UBN2: variants seen among roughly 807,000 people sequenced by gnomAD.
UBN2 encodes ubinuclein-2.
UBN2 carries 35 observed loss-of-function variants against 120.2 expected under a neutral mutation model. The observed-to-expected ratio is 0.29, with a 90% confidence interval of 0.22 to 0.39. UBN2 has a LOEUF of 0.39. Among genes scored for constraint, UBN2 ranks in the 10% least tolerant of loss-of-function variants. The probability of loss-of-function intolerance (pLI) is 1.00; values close to 1 mark genes in which losing one functional copy is unlikely to be tolerated. For synonymous variants in UBN2, 661 were observed against 648.7 expected (o/e 1.02, Z -0.29); for missense variants, 1,693 against 1,663.2 (o/e 1.02, Z -0.31).
At chr7:139,309,160 A>G (rs1397996286), downstream of UBN2, among the ~76,000 whole-genome samples, 1 of 152,256 alleles carries the variant, frequency 6.6e-6, no homozygotes, top group African/African-American at 2.4e-5. Context: ...TGTACGTGTG[A>G]TCTGCATAGA....
chr7:139,285,612 A>G (rs940207490), intron 15 of UBN2, among the ~76,000 whole-genome samples: 1 of 152,182 alleles, frequency 6.6e-6, no homozygotes, highest in African/African-American at 2.4e-5. Flanking sequence ...TATACCTAGA[A>G]CATAGTAATA....
chr7:139,236,367 T>C (rs1270543157), intron 1 of UBN2, among the ~76,000 whole-genome samples: 1 of 152,214 alleles, frequency 6.6e-6, no homozygotes, highest in African/African-American at 2.4e-5. Flanking sequence ...AGAATATTGG[T>C]GATACAATGG....
chr7:139,277,432 A>G (rs1324306693), intron 12 of UBN2: 1 of 152,250 alleles, frequency 6.6e-6, no homozygotes, highest in Non-Finnish European at 1.5e-5. Context: ...TTTTATGTAC[A>G]GTATACTGTA....
In UBN2 at chr7:139,299,436, C is replaced by G. The variant is rs1163031312; in HGVS notation, c.*1600C>G. ...TTTATACACAAAAGTCCCAGATACC[C>G]TACAGGACTGTGAATAAATAACCAC... On this transcript the variant is annotated 3_prime_UTR_variant, in exon 18 of 18. Transcript: ENST00000473989. The G allele has an allele frequency of 6.6e-6, 1 of 152,130 alleles. No individual in the cohort carries two copies. The highest frequency in any genetic ancestry group is 1.5e-5 in the Non-Finnish European group (1 of 68,012). The allele number at this position is 152,130 out of a possible 1,614,324, so 9.4% of individuals were successfully genotyped here. A position where few individuals can be genotyped will look rare whatever the true frequency, so the allele number is the denominator to read the frequency against.
At chr7:139,290,259 G>T (rs1477893800) in intron 15 of UBN2, among the ~76,000 whole-genome samples, 1 of 152,048 alleles carries the variant, frequency 6.6e-6, no homozygotes, top group Admixed American at 6.6e-5. Context: ...TTAAGTTGAT[G>T]CAGGATCTTT....
chr7:139,251,030 G>C (rs1333946096), intron 2 of UBN2, among the ~76,000 whole-genome samples: 1 of 152,066 alleles, frequency 6.6e-6, no homozygotes, highest in Non-Finnish European at 1.5e-5. Context: ...CTTGAGCCCG[G>C]GAGGTTGAGG....
At chr7:139,258,905 T>A (rs2288071) in intron 4 of UBN2, among the ~76,000 whole-genome samples, 7,489 of 152,280 alleles carry the variant, frequency 0.049, 322 homozygotes, top group African/African-American at 0.11. Flanking sequence ...TAGGTTAATA[T>A]TAATAGCTGT....
chr7:139,280,679 T>C (rs532673381), intron 13 of UBN2, among the ~76,000 whole-genome samples: 1 of 152,322 alleles, frequency 6.6e-6, no homozygotes, highest in South Asian at 2.1e-4. Context: ...AGAGTCTCAC[T>C]CTATCACCCA....
At position 139,284,447 on chromosome 7, in the gene UBN2, G is replaced by C; in HGVS notation, c.3542G>C (p.Ser1181Thr). 1 of 1,614,178 alleles carries C rather than the reference G, an allele frequency of 6.2e-7. No homozygotes were observed. Among genetic ancestry groups the C allele is most frequent in the Non-Finnish European group, 8.5e-7 (1 of 1,180,024 alleles). ...PASRGSNLNS[S>T]GANRTSLSGG... ...AGCAGAGGTAGCAACCTTAACTCAAGCGGAGCTAATAGGACTAGTCTGTCT... is the reference window on the plus strand; with the variant it reads ...AGCAGAGGTAGCAACCTTAACTCAACCGGAGCTAATAGGACTAGTCTGTCT... The change falls in exon 15 of 18, where the codon AGC becomes ACC. Residue 1181 changes from serine to threonine, a missense_variant. Coordinates refer to ENST00000473989, the MANE Select transcript of UBN2 (RefSeq NM_173569.4).
intron 3 of UBN2, among the ~76,000 whole-genome samples, chr7:139,252,765 C>T (rs953347831): frequency 1.3e-5 from 2 of 151,336 alleles, no homozygotes; most frequent in Non-Finnish European, 2.9e-5. Flanking sequence ...CTTGCTCAAA[C>T]AGAACAAAAA....
intron 11 of UBN2, 122 bp downstream of exon 11, chr7:139,274,196 T>G: frequency 1.1e-6 from 1 of 945,862 alleles, no homozygotes; most frequent in Non-Finnish European, 1.5e-6. Flanking sequence ...TTCAGCATGC[T>G]GTCTAGTCAT....
At position 139,272,494 on chromosome 7, in the gene UBN2, T is replaced by TATGTATG. The variant is rs1554474296; in HGVS notation, c.1715+54_1715+55insATGTATG. The TATGTATG allele has an allele frequency of 6.0e-5, 66 of 1,104,972 alleles. No individual in the cohort carries two copies. In the East Asian group the frequency reaches 1.0e-3, roughly 17 times the overall value. The allele number at this position is 1,104,972 out of a possible 1,614,324, so 68.4% of individuals were successfully genotyped here. ...TTTGCATTTGAGAAGTGTATGTACG[T>TATGTATG]TATGTATGTATGTATGTATGTATGT... On this transcript the variant is annotated intron_variant, in intron 9 of 17. Coordinates refer to ENST00000473989, the MANE Select transcript of UBN2 (RefSeq NM_173569.4).
Position 139,284,141 on chromosome 7 carries a change from C to T in UBN2, c.3236C>T (p.Ser1079Phe), listed in dbSNP as rs767001232. 1 of 1,614,130 alleles carries T rather than the reference C, an allele frequency of 6.2e-7. No individual in the cohort carries two copies. The highest frequency in any genetic ancestry group is 2.2e-5 in the East Asian group (1 of 44,880). The part of the protein sequence containing the change: ...PSVSTKLISK[S>F]NPTPKPTVSP... Reference sequence around the variant, plus strand: ...GTATCAACTAAACTTATTTCTAAATCCAACCCAACTCCCAAGCCTACTGTA... The same window carrying T: ...GTATCAACTAAACTTATTTCTAAATTCAACCCAACTCCCAAGCCTACTGTA... Residue 1079 changes from serine to phenylalanine, a missense_variant, in exon 15 of 18, where the codon TCC (serine) becomes TTC (phenylalanine). This residue lies in a region of UBN2 where 837 missense variants were observed against 817.6 expected (regional missense o/e 1.02). Coordinates refer to ENST00000473989, the MANE Select transcript of UBN2 (RefSeq NM_173569.4).
At chr7:139,295,881 A>C (rs982855041) in intron 17 of UBN2, among the ~76,000 whole-genome samples, 13 of 152,110 alleles carry the variant, frequency 8.5e-5, no homozygotes, top group African/African-American at 3.1e-4. Context: ...TGATTGTGCC[A>C]CCGCACTCCA....
intron 4 of UBN2, 22 bp downstream of exon 4, chr7:139,258,647 A>G (rs1796836744): frequency 2.6e-6 from 4 of 1,565,488 alleles, no homozygotes; most frequent in Admixed American, 1.8e-5. Context: ...AAACATTGCA[A>G]CAGTACTGAG....
chr7:139,236,130 A>G (rs1229552209), intron 1 of UBN2, among the ~76,000 whole-genome samples: 1 of 152,242 alleles, frequency 6.6e-6, no homozygotes, highest in Non-Finnish European at 1.5e-5. Context: ...GTATACTAAA[A>G]TAGAAGACTT....
At chr7:139,257,301 A>G (rs1796789259) in intron 3 of UBN2, among the ~76,000 whole-genome samples, 2 of 152,224 alleles carry the variant, frequency 1.3e-5, no homozygotes. Flanking sequence ...TCCTCATTCT[A>G]GGTCCTCAAG....
At chr7:139,286,770 T>C (rs967062680) in intron 15 of UBN2, among the ~76,000 whole-genome samples, 4 of 152,244 alleles carry the variant, frequency 2.6e-5, no homozygotes, top group Admixed American at 6.5e-5. Flanking sequence ...GTCTCCTATT[T>C]ATGTGGAACA....
chr7:139,313,623 C>T, the UBN2 span, among the ~76,000 whole-genome samples: 7 of 152,178 alleles, frequency 4.6e-5, no homozygotes, highest in East Asian at 1.9e-4. Flanking sequence ...TAATGGGGAA[C>T]GTGGCATCTT....
Sources: gnomAD v4.1 joint callset for allele counts (sites outside exome capture counted in the v4.1 genomes callset) on GRCh38, gnomAD v4.1.1 for gene constraint, gnomAD v4.1.1 regional missense constraint, MANE v1.5 for transcripts, NCBI Gene and HGNC (gene_info 2026-07-23, HGNC 2026-07-21) for gene names.